Variants in LRBA observed in about 807,000 individuals in gnomAD.
The protein encoded by LRBA is lipopolysaccharide-responsive and beige-like anchor protein.
LRBA carries 176 observed loss-of-function variants against 330.0 expected under a neutral mutation model. The ratio of observed to expected loss-of-function variants is 0.53; its 90% CI spans 0.47 to 0.60. The LOEUF is 0.60. Among genes scored for constraint, LRBA ranks in the 20% least tolerant of loss-of-function variants. The pLI is 0.00. For missense variants in LRBA, 3,259 were observed against 3,444.8 expected (o/e 0.95, Z 1.35); for synonymous variants, 1,230 against 1,193.0 (o/e 1.03, Z -0.64).
intron 2 of LRBA, among the ~76,000 whole-genome samples, chr4:151,011,682 T>G (rs1438613354): frequency 1.3e-5 from 2 of 152,066 alleles, no homozygotes; most frequent in Non-Finnish European, 2.9e-5. Context: ...ATGGACTAAT[T>G]TACAGAATCC....
chr4:150,579,100 C>T, intron 40 of LRBA: 1 of 370,788 alleles, frequency 2.7e-6, no homozygotes, highest in South Asian at 2.1e-5. Context: ...CTTTTAGCCT[C>T]TAGAGTTTCT....
intron 48 of LRBA, among the ~76,000 whole-genome samples, chr4:150,344,553 T>G (rs928947098): frequency 6.6e-6 from 1 of 152,216 alleles, no homozygotes; most frequent in East Asian, 1.9e-4. Context: ...TACTGCCTTA[T>G]GATGCAGTTA....
intron 35 of LRBA, among the ~76,000 whole-genome samples, chr4:150,747,758 C>T (rs1358072369): frequency 6.6e-6 from 1 of 152,188 alleles, no homozygotes; most frequent in Non-Finnish European, 1.5e-5. Flanking sequence ...CGCTGCACTA[C>T]CTACAAATCT....
At chr4:150,335,449 A>G (rs1734544989) in intron 48 of LRBA, among the ~76,000 whole-genome samples, 2 of 145,246 alleles carry the variant, frequency 1.4e-5, no homozygotes, top group Non-Finnish European at 3.0e-5. Flanking sequence ...ATACACGTAT[A>G]TATGTGTATA....
chr4:150,987,543 T>C (rs540369313), intron 2 of LRBA, among the ~76,000 whole-genome samples: 4 of 151,644 alleles, frequency 2.6e-5, no homozygotes, highest in Non-Finnish European at 2.9e-5. Context: ...CCGTCTCTAC[T>C]AAAAACACAA....
At position 150,735,385 on chromosome 4, in the gene LRBA, A is replaced by C. The variant is rs1314728240; in HGVS notation, c.5646-19T>G. The C allele has an allele frequency of 6.9e-7, 1 of 1,456,146 alleles. No individual in the cohort carries two copies. Among genetic ancestry groups the C allele is most frequent in the Non-Finnish European group, 9.6e-7 (1 of 1,036,946 alleles). The allele number at this position is 1,456,146 out of a possible 1,614,324, so 90.2% of individuals were successfully genotyped here. On this transcript the variant is annotated intron_variant, in intron 35 of 56. Transcript: ENST00000651943. Reference sequence around the variant, plus strand: ...AAGCAACCTGTAAGAAATGAATGTTATCAAATAAATATATGTATACACACA... The same window carrying C: ...AAGCAACCTGTAAGAAATGAATGTTCTCAAATAAATATATGTATACACACA...
chr4:150,439,467 A>G (rs1450631884), intron 44 of LRBA, among the ~76,000 whole-genome samples: 5 of 152,120 alleles, frequency 3.3e-5, no homozygotes, highest in Admixed American at 3.3e-4. Context: ...GTTTATTTGC[A>G]AGCATATAAA....
In LRBA at chr4:150,741,519, G is replaced by T. The variant is rs187043781; in HGVS notation, c.5646-6153C>A. Among the ~76,000 whole-genome samples the T allele has an allele frequency of 7.9e-5, 12 of 152,184 alleles. No individual in the cohort carries two copies. The East Asian group carries it at 2.3e-3, about 29-fold the overall frequency. Reference sequence around the variant, plus strand: ...GCTGGCATCACCAAGTTATATCAAAGATGTGAAGTAACAGGGACTCTTATA... The same window carrying T: ...GCTGGCATCACCAAGTTATATCAAATATGTGAAGTAACAGGGACTCTTATA... On this transcript the variant is annotated intron_variant, in intron 35 of 56. Transcript: ENST00000651943.
At chr4:150,954,251 C>A (rs2149551221) in intron 2 of LRBA, among the ~76,000 whole-genome samples, 1 of 152,164 alleles carries the variant, frequency 6.6e-6, no homozygotes, top group South Asian at 2.1e-4. Context: ...CCGGCCGCCA[C>A]CCCGTCTGGG....
At position 150,350,117 on chromosome 4, in the gene LRBA, T is replaced by C; in HGVS notation, c.7237A>G (p.Ile2413Val). Reference sequence around the variant, plus strand: ...TGTTTATAGCCAAAAATGAGATCAATCCATTGGTGAAGCTGGCAGGAAACA... The same window carrying C: ...TGTTTATAGCCAAAAATGAGATCAACCCATTGGTGAAGCTGGCAGGAAACA... ...EFVSCQLHQW[I>V]DLIFGYKQQG... Residue 2413 changes from isoleucine (I) to valine (V), a missense_variant, in exon 48 of 57, where the codon ATT (isoleucine) becomes GTT (valine). Coordinates refer to ENST00000651943, the MANE Select transcript of LRBA (RefSeq NM_001364905.1). 1 of 1,602,474 alleles carries C rather than the reference T, an allele frequency of 6.2e-7. No individual in the cohort carries two copies.
chr4:150,407,696 A>G (rs1406849675), intron 47 of LRBA, among the ~76,000 whole-genome samples: 4 of 152,210 alleles, frequency 2.6e-5, no homozygotes, highest in Non-Finnish European at 5.9e-5. Context: ...AATCACAATG[A>G]AATTAAAAAT....
At chr4:150,592,861 G>A (rs941188815) in intron 38 of LRBA, among the ~76,000 whole-genome samples, 1 of 151,820 alleles carries the variant, frequency 6.6e-6, no homozygotes, top group African/African-American at 2.4e-5. Flanking sequence ...TCTAACTACT[G>A]GGCTCAAGCA....
At chr4:150,561,725 A>T (rs1220039909) in intron 40 of LRBA, among the ~76,000 whole-genome samples, 2 of 152,180 alleles carry the variant, frequency 1.3e-5, no homozygotes, top group Non-Finnish European at 2.9e-5. Flanking sequence ...GGCCTGCATA[A>T]AGCCATTACT....
intron 34 of LRBA, among the ~76,000 whole-genome samples, chr4:150,768,172 A>G (rs932077019): frequency 6.6e-6 from 1 of 151,848 alleles, no homozygotes; most frequent in African/African-American, 2.4e-5. Context: ...AGTACATGAG[A>G]TACATTAAGA....
At chr4:150,456,313 T>C (rs981334095) in intron 44 of LRBA, among the ~76,000 whole-genome samples, 1 of 152,202 alleles carries the variant, frequency 6.6e-6, no homozygotes, top group Non-Finnish European at 1.5e-5. Flanking sequence ...TTCTCTTTTC[T>C]TCACATGCTC....
Position 150,817,265 on chromosome 4 carries a change from A to G in LRBA, c.5172-8T>C, listed in dbSNP as rs1159317968. The stretch of plus-strand genomic sequence containing the variant: ...GCTGCAACAATGACACTTCTGTAAT[A>G]AAGAAAGTAAACAGACTGAAAGATA... On this transcript the variant is annotated splice_polypyrimidine_tract_variant and splice_region_variant and intron_variant, in intron 30 of 56. Transcript: ENST00000651943. The G allele has an allele frequency of 6.2e-7, 1 of 1,610,682 alleles. No homozygotes were observed. The highest frequency in any genetic ancestry group is 1.7e-5 in the Admixed American group (1 of 59,802).
intron 28 of LRBA, chr4:150,841,078 T>C: frequency 2.5e-6 from 2 of 788,298 alleles, no homozygotes; most frequent in Admixed American, 3.4e-5. Flanking sequence ...AAAGGTACAT[T>C]TGTCTTTTTT....
chr4:150,751,831 T>C (rs1363734782), intron 35 of LRBA, among the ~76,000 whole-genome samples: 4 of 152,058 alleles, frequency 2.6e-5, no homozygotes, highest in Non-Finnish European at 1.5e-5. Context: ...ATGACAACCA[T>C]CTCCCATAAC....
At chr4:150,759,089 T>C (rs2126453659) in intron 35 of LRBA, among the ~76,000 whole-genome samples, 1 of 152,196 alleles carries the variant, frequency 6.6e-6, no homozygotes, top group Non-Finnish European at 1.5e-5. Context: ...GCTAATTGTT[T>C]GCATTTTTTG....
Sources: gnomAD v4.1 joint callset for allele counts (sites outside exome capture counted in the v4.1 genomes callset) on GRCh38, gnomAD v4.1.1 for gene constraint, MANE v1.5 for transcripts, NCBI Gene and HGNC (gene_info 2026-07-23, HGNC 2026-07-21) for gene names.